SNRNP70: variants seen among roughly 807,000 people sequenced by gnomAD.
SNRNP70 encodes small nuclear ribonucleoprotein U1 subunit 70.
A neutral mutation model predicts 50.5 loss-of-function variants in SNRNP70; 8 were observed. The ratio of observed to expected loss-of-function variants is 0.16; its 90% confidence interval spans 0.09 to 0.29. The LOEUF is 0.29. SNRNP70 is among the 10% of genes least tolerant of loss of function. The pLI, the probability that SNRNP70 is intolerant of heterozygous loss-of-function variation, is 1.00. For missense variants in SNRNP70, 529 were observed against 663.5 expected (o/e 0.80, Z 2.23); for synonymous variants, 320 against 252.9 (o/e 1.27, Z -2.52).
At position 49,098,440 on chromosome 19, in the gene SNRNP70, T is replaced by C; in HGVS notation, c.279T>C (p.Asn93=). 2 of 1,613,256 alleles carry C rather than the reference T, an allele frequency of 1.2e-6. No homozygotes were observed. Among genetic ancestry groups the C allele is most frequent in the Non-Finnish European group, 1.7e-6 (2 of 1,179,498 alleles). ...ETELKMWDPH[N]DPNAQGDAFK... ...CTTCCTGCACAGGGGACCCTCACAA[T>C]GATCCCAATGCTCAGGGGGATGCCT... The change falls in exon 5 of 10, where the codon AAT becomes AAC. Residue 93 remains asparagine, a synonymous_variant. Transcript: ENST00000598441.
chr19:49,106,334 G>A (rs867450617), intron 8 of SNRNP70, among the ~76,000 whole-genome samples: 11 of 152,112 alleles, frequency 7.2e-5, no homozygotes, highest in African/African-American at 1.7e-4. Flanking sequence ...ATCTTGACTC[G>A]GTGCACCCGC....
chr19:49,096,881 G>A (rs2040520439), intron 4 of SNRNP70, among the ~76,000 whole-genome samples: 1 of 151,798 alleles, frequency 6.6e-6, no homozygotes, highest in Non-Finnish European at 1.5e-5. Context: ...TGTAATCCCA[G>A]CACTTTGGGA....
rs2040434751 is a variant in SNRNP70, at chr19:49,090,505, A to G, written c.250A>G (p.Thr84Ala). The G allele has an allele frequency of 8.1e-6, 13 of 1,613,950 alleles. No individual in the cohort carries two copies. Among genetic ancestry groups the G allele is most frequent in the Non-Finnish European group, 1.1e-5 (13 of 1,180,012 alleles). The change falls in exon 4 of 10, where the codon ACA (threonine) becomes GCA (alanine). Residue 84 changes from threonine (T) to alanine (A), a missense_variant. By Grantham distance (58) the Thr-to-Ala change is moderately conservative (BLOSUM62 0). This residue lies in a region of SNRNP70 where 149 missense variants were observed against 259.7 expected (regional missense o/e 0.57). Transcript: ENST00000598441. ...KIERRQQEVE[T>A]ELKMWDPHND... ...TGAGCGGCGACAGCAAGAAGTGGAG[A>G]CAGAGCTTAAAATGTGTAAGTCTCT...
chr19:49,095,063 G>T (rs2040496265), intron 4 of SNRNP70, among the ~76,000 whole-genome samples: 1 of 152,274 alleles, frequency 6.6e-6, no homozygotes, highest in Non-Finnish European at 1.5e-5. Flanking sequence ...GCCCGGCATT[G>T]GGTCTGTGCT....
At chr19:49,096,010 G>A (rs2040508408) in intron 4 of SNRNP70, among the ~76,000 whole-genome samples, 1 of 146,884 alleles carries the variant, frequency 6.8e-6, no homozygotes, top group Non-Finnish European at 1.5e-5. Context: ...TGCAGATTGA[G>A]AGACCTGGCC....
chr19:49,104,762 T>C lies in SNRNP70; in HGVS notation c.577+27T>C, dbSNP rs1265931257. 1 of 1,451,416 alleles carries C rather than the reference T, an allele frequency of 6.9e-7. No homozygotes were observed. The highest frequency in any genetic ancestry group is 9.3e-7 in the Non-Finnish European group (1 of 1,074,796). 89.9% of individuals were successfully genotyped at this position (1,451,416 alleles called of 1,614,324 possible). ...TGAGCACATCCTGCCTTCGACGGGCTCTCGGGGGCCCTGGGCCTGGTGGCC... is the reference window on the plus strand; with the variant it reads ...TGAGCACATCCTGCCTTCGACGGGCCCTCGGGGGCCCTGGGCCTGGTGGCC... On this transcript the variant is annotated intron_variant, in intron 8 of 9. Coordinates refer to ENST00000598441, the MANE Select transcript of SNRNP70 (RefSeq NM_003089.6). This position sits in a 1 kb window ranked among gnomAD's most constrained non-coding sequence, Gnocchi z 5.4.
Position 49,085,533 on chromosome 19 carries a change from A to T in SNRNP70, c.-114A>T, listed in dbSNP as rs550686001. 2.2e-6 allele frequency: 1 copy of T among 455,714 alleles called. No homozygotes were observed. The highest frequency in any genetic ancestry group is 2.4e-5 in the Admixed American group (1 of 42,544). The allele number at this position is 455,714 out of a possible 1,614,324, so 28.2% of individuals were successfully genotyped here. A position where few individuals can be genotyped will look rare whatever the true frequency, so the allele number is the denominator to read the frequency against. ...GGGCGACGGAATCAGACGGACGTGGACGCCCCCGGAGTGGAAGCCGAAGCA... is the reference window on the plus strand; with the variant it reads ...GGGCGACGGAATCAGACGGACGTGGTCGCCCCCGGAGTGGAAGCCGAAGCA... On this transcript the variant is annotated 5_prime_UTR_variant, in exon 1 of 10. Transcript: ENST00000598441.
rs2040687227 is a variant in SNRNP70 at position 49,107,476 on chromosome 19, G to GCGGGATGAACTGCA, written c.578-144_578-131dup. ...CGTGGCTGTCTTGTGATGGGAGTGC[G>GCGGGATGAACTGCA]CGGGATGAACTGCACGGGGGGACCC... On this transcript the variant is annotated intron_variant, in intron 8 of 9. Transcript: ENST00000598441. The surrounding 1 kb of genome is among the most constrained non-coding windows in gnomAD (Gnocchi z 6.0). 1 of 674,726 alleles carries GCGGGATGAACTGCA rather than the reference G, an allele frequency of 1.5e-6. No individual in the cohort carries two copies. The allele number at this position is 674,726 out of a possible 1,614,324, so 41.8% of individuals were successfully genotyped here. A position where few individuals can be genotyped will look rare whatever the true frequency, so the allele number is the denominator to read the frequency against.
Position 49,104,366 on chromosome 19 carries a change from G to T in SNRNP70, c.476-268G>T, listed in dbSNP as rs888851955. 2.3e-6 allele frequency: 1 copy of T among 434,720 alleles called. No individual in the cohort carries two copies. Among genetic ancestry groups the T allele is most frequent in the Non-Finnish European group, 4.2e-6 (1 of 240,128 alleles). The allele number at this position is 434,720 out of a possible 1,614,324, so 26.9% of individuals were successfully genotyped here. A position where few individuals can be genotyped will look rare whatever the true frequency, so the allele number is the denominator to read the frequency against. On this transcript the variant is annotated intron_variant, in intron 7 of 9. Transcript: ENST00000598441. This position sits in a 1 kb window ranked among gnomAD's most constrained non-coding sequence, Gnocchi z 5.4. ...ATCATGTGGGAGAGGAAGGGCCGGG[G>T]AGCCTAGGGGGTGGCGGGTGAGGGT...
Position 49,090,368 on chromosome 19 carries a change from C to T in SNRNP70, c.210+15C>T, listed in dbSNP as rs780470838. 8 of 1,613,842 alleles carry T rather than the reference C, an allele frequency of 5.0e-6. No homozygotes were observed. Among genetic ancestry groups the T allele is most frequent in the Non-Finnish European group, 6.8e-6 (8 of 1,179,918 alleles). On this transcript the variant is annotated intron_variant, in intron 3 of 9. Transcript: ENST00000598441. ...TGGAGAGGAAAGTATGTCATTTTTG[C>T]TTCCTGACCCCCTGTTTTACCACTG...
chr19:49,087,017 C>G (rs1447148619), intron 2 of SNRNP70, among the ~76,000 whole-genome samples: 1 of 151,814 alleles, frequency 6.6e-6, no homozygotes, highest in Non-Finnish European at 1.5e-5. Context: ...GAAACCACGT[C>G]TCTGCTAAAA....
At position 49,092,352 on chromosome 19, in the gene SNRNP70, C is replaced by T. The variant is rs915591439; in HGVS notation, c.265+1832C>T. Among the ~76,000 whole-genome samples the T allele has an allele frequency of 4.6e-5, 7 of 151,606 alleles. No homozygotes were observed. The East Asian group carries it at 7.7e-4, about 17-fold the overall frequency. On this transcript the variant is annotated intron_variant, in intron 4 of 9. Transcript: ENST00000598441. ...TAGATCTCTTGACCTTGTGATCTGCCCACCTTGGCCTCCCAAAGTGCTGGG... is the reference window on the plus strand; with the variant it reads ...TAGATCTCTTGACCTTGTGATCTGCTCACCTTGGCCTCCCAAAGTGCTGGG...
At position 49,108,603 on chromosome 19, in the gene SNRNP70, G is replaced by T. The variant is rs1212866377; in HGVS notation, c.*160G>T. On this transcript the variant is annotated 3_prime_UTR_variant, in exon 10 of 10. Transcript: ENST00000598441. ...TTAAAAATAAAATTAATTTCCTGTT[G>T]ATAGTGGGCACCTCGGTTTCTTCCT... 2 of 943,360 alleles carry T rather than the reference G, an allele frequency of 2.1e-6. No homozygotes were observed. Among genetic ancestry groups the T allele is most frequent in the Non-Finnish European group, 3.1e-6 (2 of 652,960 alleles). The allele number at this position is 943,360 out of a possible 1,614,324, so 58.4% of individuals were successfully genotyped here. A position where few individuals can be genotyped will look rare whatever the true frequency, so the allele number is the denominator to read the frequency against.
At chr19:49,106,637 A>T (rs1432731540) in intron 8 of SNRNP70, among the ~76,000 whole-genome samples, 1 of 152,188 alleles carries the variant, frequency 6.6e-6, no homozygotes, top group Non-Finnish European at 1.5e-5. Context: ...AGTGCGAGAT[A>T]GAGGAGCGCT....
Position 49,093,688 on chromosome 19 carries a change from A to C in SNRNP70, c.265+3168A>C, listed in dbSNP as rs527462712. On this transcript the variant is annotated intron_variant, in intron 4 of 9. Transcript: ENST00000598441. ...AACAAGATTCCATCTCAAAAAAAAA[A>C]AAAACAAAAAAAAAAACAGTTCCAG... 2.7e-4 allele frequency among the ~76,000 whole-genome samples: 39 copies of C among 142,464 alleles called. 1 individual carries two copies. In the East Asian group the frequency reaches 7.4e-3, roughly 27 times the overall value. 93.5% of individuals were successfully genotyped at this position (142,464 alleles called of 152,430 possible).
In SNRNP70 at chr19:49,108,173, G is replaced by T; in HGVS notation, c.1044G>T (p.Arg348=). 6.5e-7 allele frequency: 1 copy of T among 1,540,796 alleles called. No individual in the cohort carries two copies. The highest frequency in any genetic ancestry group is 1.4e-5 in the African/African-American group (1 of 73,028). ...CTGACGGTCCAGAGGAAAAGGGCCG[G>T]GATCGTGACCGGGAGCGACGGCGGA... The part of the protein sequence containing the change: ...DGPDGPEEKG[R]DRDRERRRSH... The change falls in exon 10 of 10, where the codon CGG becomes CGT. Residue 348 remains arginine (R), a synonymous_variant. Transcript: ENST00000598441.
At chr19:49,106,587 A>G (rs1215664710) in intron 8 of SNRNP70, among the ~76,000 whole-genome samples, 4 of 152,028 alleles carry the variant, frequency 2.6e-5, no homozygotes, top group Admixed American at 1.3e-4. Flanking sequence ...CCTCTTTTCT[A>G]TACAGAACTC....
intron 1 of SNRNP70, among the ~76,000 whole-genome samples, chr19:49,086,025 C>T (rs1262672871): frequency 6.6e-6 from 1 of 152,226 alleles, no homozygotes; most frequent in Non-Finnish European, 1.5e-5. Context: ...ACCCTGCAAA[C>T]TGCATCTCGT....
In SNRNP70 at chr19:49,107,022, G is replaced by A. The variant is rs993416654; in HGVS notation, c.578-603G>A. 7.2e-5 allele frequency among the ~76,000 whole-genome samples: 11 copies of A among 152,204 alleles called. No individual in the cohort carries two copies. Among genetic ancestry groups the A allele is most frequent in the African/African-American group, 2.2e-4 (9 of 41,434 alleles). On this transcript the variant is annotated intron_variant, in intron 8 of 9. Transcript: ENST00000598441. This position sits in a 1 kb window ranked among gnomAD's most constrained non-coding sequence, Gnocchi z 6.0. ...GAGGAGAGACTTCCCGAGAAAGGAT[G>A]TTCGGGCTAGCGTTAAGGGTGAGCG... is the stretch of plus-strand genomic sequence containing the variant.
Sources: allele counts gnomAD v4.1 joint callset (sites outside exome capture counted in the v4.1 genomes callset), GRCh38; gene constraint gnomAD v4.1.1; regional missense constraint gnomAD v4.1.1; non-coding constraint Gnocchi (gnomAD v3.1); transcripts MANE v1.5; gene names NCBI Gene and HGNC (gene_info 2026-07-23, HGNC 2026-07-21).